The following MACROD2 variants were observed in gnomAD, a reference collection of about 807,000 sequenced individuals.
MACROD2 encodes the protein mono-ADP ribosylhydrolase 2, also known as ADP-ribose glycohydrolase MACROD2.
MACROD2 carries 36 observed loss-of-function variants against 70.4 expected under a neutral mutation model. The observed-to-expected ratio is 0.51, with a 90% CI of 0.39 to 0.68. MACROD2 has a LOEUF of 0.68. MACROD2 is among the 30% of genes least tolerant of loss of function. The pLI, the probability that MACROD2 is intolerant of heterozygous loss-of-function variation, is 0.00. For missense variants in MACROD2, 496 were observed against 538.4 expected (o/e 0.92, Z 0.78); for synonymous variants, 172 against 178.8 (o/e 0.96, Z 0.30).
chr20:15,434,750 A>G (rs1283785607), intron 7 of MACROD2, among the ~76,000 whole-genome samples: 1 of 152,190 alleles, frequency 6.6e-6, no homozygotes, highest in Non-Finnish European at 1.5e-5. Context: ...TCACAATTGC[A>G]AAGATATGGA....
At chr20:14,075,352 A>G (rs1209385414) in intron 2 of MACROD2, among the ~76,000 whole-genome samples, 1 of 152,190 alleles carries the variant, frequency 6.6e-6, no homozygotes, top group Non-Finnish European at 1.5e-5. Context: ...TGAGACATTA[A>G]TAGAAATGTG....
intron 5 of MACROD2, among the ~76,000 whole-genome samples, chr20:14,938,729 C>T (rs1245992422): frequency 6.6e-6 from 1 of 151,972 alleles, no homozygotes; most frequent in East Asian, 1.9e-4. Flanking sequence ...TGCAGTGAGC[C>T]AAGATCATGC....
At chr20:16,011,252 A>G (rs2066859009) in intron 15 of MACROD2, among the ~76,000 whole-genome samples, 1 of 152,224 alleles carries the variant, frequency 6.6e-6, no homozygotes, top group Non-Finnish European at 1.5e-5. Context: ...GTCAGCACTC[A>G]CTGACGGGAT....
chr20:15,085,873 A>AACACACACACACACACACACACACAC (rs3070249), intron 5 of MACROD2, among the ~76,000 whole-genome samples: 1 of 144,292 alleles, frequency 6.9e-6, no homozygotes, highest in Non-Finnish European at 1.5e-5. Context: ...ACACACACAC[A>AACACACACACACACACACACACACAC]ACACACACAC....
At chr20:14,210,537 C>T (rs914986647) in intron 3 of MACROD2, among the ~76,000 whole-genome samples, 4 of 152,170 alleles carry the variant, frequency 2.6e-5, no homozygotes, top group Non-Finnish European at 5.9e-5. Context: ...AGGCCCTACA[C>T]AGCAGTCCTG....
intron 5 of MACROD2, among the ~76,000 whole-genome samples, chr20:14,790,110 A>G (rs577490101): frequency 1.8e-4 from 28 of 152,196 alleles, no homozygotes; most frequent in African/African-American, 6.7e-4. Context: ...TCAATTGGCA[A>G]CTTTTTTCTC....
At chr20:15,450,885 A>G (rs932173407) in intron 7 of MACROD2, among the ~76,000 whole-genome samples, 3 of 152,158 alleles carry the variant, frequency 2.0e-5, no homozygotes, top group Non-Finnish European at 4.4e-5. Context: ...TCAGTTTGTC[A>G]ACGATTTTCT....
chr20:14,916,409 G>T (rs912923847), intron 5 of MACROD2, among the ~76,000 whole-genome samples: 8 of 152,134 alleles, frequency 5.3e-5, no homozygotes, highest in Non-Finnish European at 1.0e-4. Context: ...AAAAACTTGG[G>T]CGAAAAATCC....
chr20:15,235,040 A>C (rs116791294), intron 6 of MACROD2, among the ~76,000 whole-genome samples: 146 of 152,338 alleles, frequency 9.6e-4, no homozygotes, highest in African/African-American at 3.4e-3. Context: ...TTCTTCTTCT[A>C]GCACCAGTTA....
At chr20:14,778,865 C>T (rs1184087483) in intron 5 of MACROD2, among the ~76,000 whole-genome samples, 1 of 152,050 alleles carries the variant, frequency 6.6e-6, no homozygotes, top group East Asian at 1.9e-4. Context: ...GCATTCCAAA[C>T]ACCTCATTTA....
intron 2 of MACROD2, among the ~76,000 whole-genome samples, chr20:14,083,805 G>A (rs1465956394): frequency 6.6e-6 from 1 of 151,930 alleles, no homozygotes; most frequent in Non-Finnish European, 1.5e-5. Flanking sequence ...AGAGGCCCAG[G>A]CGCGGTGGCT....
At chr20:14,527,383 C>T (rs1376666410) in intron 4 of MACROD2, among the ~76,000 whole-genome samples, 1 of 152,108 alleles carries the variant, frequency 6.6e-6, no homozygotes, top group Non-Finnish European at 1.5e-5. Context: ...GGAACCCTAG[C>T]CAGGGACCAT....
At chr20:15,134,804 AAT>A (rs913726715) in intron 5 of MACROD2, among the ~76,000 whole-genome samples, 3 of 152,168 alleles carry the variant, frequency 2.0e-5, no homozygotes, top group African/African-American at 7.2e-5. Flanking sequence ...GGATCAACAA[AAT>A]TGATAGACCG....
At chr20:14,573,035 A>T (rs1429131674) in intron 4 of MACROD2, among the ~76,000 whole-genome samples, 2 of 146,326 alleles carry the variant, frequency 1.4e-5, no homozygotes, top group Admixed American at 1.4e-4. Flanking sequence ...AAACAATATC[A>T]TTTAGATGTC....
intron 4 of MACROD2, among the ~76,000 whole-genome samples, chr20:14,638,531 A>G (rs1444925838): frequency 1.3e-5 from 2 of 152,190 alleles, no homozygotes; most frequent in Non-Finnish European, 2.9e-5. Context: ...GGCCAGCCCT[A>G]AACCTGATTC....
chr20:14,395,289 T>C (rs893801095), intron 3 of MACROD2, among the ~76,000 whole-genome samples: 1 of 152,092 alleles, frequency 6.6e-6, no homozygotes, highest in Non-Finnish European at 1.5e-5. Flanking sequence ...ATAATAGATA[T>C]AGGGCTATTT....
rs1178446598 is a variant in MACROD2 at position 14,862,243 on chromosome 20, A to C, written c.418+177284A>C. Among the ~76,000 whole-genome samples, 14 of 50,230 alleles carry C rather than the reference A, an allele frequency of 2.8e-4. 2 individuals are homozygous for C. The highest frequency in any genetic ancestry group is 1.1e-3 in the African/African-American group (13 of 12,376). The allele number at this position is 50,230 out of a possible 152,430, so 33.0% of individuals were successfully genotyped here. ...TATAAATATATATAAATATATATTT[A>C]TATATTAATATATATAAATATATTA... On this transcript the variant is annotated intron_variant, in intron 5 of 17. Coordinates refer to ENST00000684519, the MANE Select transcript of MACROD2 (RefSeq NM_001351661.2).
chr20:14,719,484 A>T (rs557760946), intron 5 of MACROD2, among the ~76,000 whole-genome samples: 1 of 150,616 alleles, frequency 6.6e-6, no homozygotes. Flanking sequence ...AAAAAAAAAA[A>T]AAAGAAAGAA....
At chr20:15,672,745 G>A (rs1474707925) in intron 8 of MACROD2, among the ~76,000 whole-genome samples, 1 of 152,104 alleles carries the variant, frequency 6.6e-6, no homozygotes, top group African/African-American at 2.4e-5. Flanking sequence ...ATTATAACTT[G>A]GAAGAAGAAA....
Sources: gnomAD v4.1 joint callset for allele counts (sites outside exome capture counted in the v4.1 genomes callset) on GRCh38, gnomAD v4.1.1 for gene constraint, MANE v1.5 for transcripts, NCBI Gene and HGNC (gene_info 2026-07-23, HGNC 2026-07-21) for gene names.